The following ARFGEF1 variants were observed in gnomAD, a reference collection of about 807,000 sequenced individuals.
ARFGEF1 encodes the protein brefeldin A-inhibited guanine nucleotide-exchange protein 1.
In ARFGEF1, 42 loss-of-function variants were observed where a neutral mutation model predicts 231.0. The observed-to-expected ratio is 0.18, with a 90% CI of 0.14 to 0.24. The LOEUF (loss-of-function observed/expected upper bound fraction) is 0.24. Ranked by LOEUF, ARFGEF1 falls within the 10% of genes least tolerant of loss-of-function variation. The pLI, the probability that ARFGEF1 is intolerant of heterozygous loss-of-function variation, is 1.00. For missense variants in ARFGEF1, 1,345 were observed against 2,192.0 expected (o/e 0.61, Z 7.72); for synonymous variants, 710 against 732.3 (o/e 0.97, Z 0.49).
intron 1 of ARFGEF1, among the ~76,000 whole-genome samples, chr8:67,328,531 CAT>C (rs1354909078): frequency 1.3e-5 from 2 of 152,144 alleles, no homozygotes; most frequent in African/African-American, 2.4e-5. Flanking sequence ...ATGAGTTATC[CAT>C]ATGTTACACA....
At chr8:67,334,802 G>A (rs184912911) in intron 1 of ARFGEF1, among the ~76,000 whole-genome samples, 165 of 152,190 alleles carry the variant, frequency 1.1e-3, no homozygotes, top group African/African-American at 3.7e-3. Context: ...AGACACTAAC[G>A]ACCACCTGTG....
Position 67,319,623 on chromosome 8 carries a change from ACT to A in ARFGEF1, c.125-17159_125-17158del, listed in dbSNP as rs765326801. Among the ~76,000 whole-genome samples the A allele has an allele frequency of 3.9e-4, 60 of 151,950 alleles. 1 individual carries two copies. The highest frequency in any genetic ancestry group is 7.9e-4 in the Non-Finnish European group (54 of 67,996). ...CAAACTTTCGGAAAACATAGGAGAA[ACT>A]CTCTGTGAGTTTGGATTCGGCAGAG... On this transcript the variant is annotated intron_variant, in intron 1 of 38. Transcript: ENST00000262215.
At chr8:67,207,614 CTA>C (rs1563836363) in intron 34 of ARFGEF1, among the ~76,000 whole-genome samples, 1 of 152,196 alleles carries the variant, frequency 6.6e-6, no homozygotes, top group Non-Finnish European at 1.5e-5. Flanking sequence ...CAGATTTTAA[CTA>C]TGTGGGACTA....
At chr8:67,332,771 C>CA (rs538415571) in intron 1 of ARFGEF1, among the ~76,000 whole-genome samples, 81 of 152,258 alleles carry the variant, frequency 5.3e-4, no homozygotes, top group Non-Finnish European at 8.2e-4. Flanking sequence ...ACAGGACTGA[C>CA]ACATTAGGCC....
intron 27 of ARFGEF1, 107 bp from the exon 28 acceptor site, chr8:67,226,290 C>T: frequency 9.8e-7 from 1 of 1,017,396 alleles, no homozygotes; most frequent in African/African-American, 1.6e-5. Flanking sequence ...AAGGTTGTTA[C>T]AGGTTCTGAC....
intron 5 of ARFGEF1, among the ~76,000 whole-genome samples, chr8:67,183,505 A>T (rs187116954): frequency 2.4e-4 from 37 of 152,336 alleles, no homozygotes; most frequent in Admixed American, 2.2e-3. Flanking sequence ...TAGCTGGAAA[A>T]ATCTCCAAAT....
At chr8:67,238,668 G>A (rs1839841015) in intron 21 of ARFGEF1, 67 bp downstream of exon 21, 2 of 1,547,146 alleles carry the variant, frequency 1.3e-6, no homozygotes, top group Non-Finnish European at 1.8e-6. Context: ...GCATGTCAAT[G>A]ATGGACTATT....
intron 30 of ARFGEF1, 63 bp from the exon 31 acceptor site, chr8:67,218,201 AAAAAAAAT>A (rs202161946): frequency 0.013 from 2,269 of 180,410 alleles, 40 homozygotes; most frequent in African/African-American, 0.038. Context: ...TAAAAAAAAA[AAAAAAAAT>A]ATATATATAT....
At chr8:67,302,540 T>C (rs1056200785) in intron 1 of ARFGEF1, 74 bp from the exon 2 acceptor site, 13 of 1,069,594 alleles carry the variant, frequency 1.2e-5, no homozygotes, top group Middle Eastern at 2.2e-4. Context: ...TTAAGTTCTA[T>C]AAACTCATTT....
At chr8:67,239,443 A>G (rs1373039416) in intron 20 of ARFGEF1, among the ~76,000 whole-genome samples, 1 of 152,116 alleles carries the variant, frequency 6.6e-6, no homozygotes. Context: ...TTTTAAGATG[A>G]TGCATGAAGC....
At chr8:67,316,317 G>A (rs1287989159) in intron 1 of ARFGEF1, among the ~76,000 whole-genome samples, 2 of 152,128 alleles carry the variant, frequency 1.3e-5, no homozygotes, top group Non-Finnish European at 2.9e-5. Flanking sequence ...GGACCAGATG[G>A]TTTCACCTGA....
intron 1 of ARFGEF1, 25 bp downstream of exon 1, chr8:67,343,118 CGCCCCACAACAAGCACCCCAT>C: frequency 8.1e-7 from 1 of 1,228,282 alleles, no homozygotes; most frequent in Non-Finnish European, 1.1e-6. Flanking sequence ...CCCCCCTCCC[CGCCCCACAACAAGCACCCCAT>C]CCCCCGGGCC....
At chr8:67,328,211 G>A (rs183820161) in intron 1 of ARFGEF1, among the ~76,000 whole-genome samples, 2 of 152,288 alleles carry the variant, frequency 1.3e-5, no homozygotes, top group African/African-American at 4.8e-5. Flanking sequence ...TACCTAGGCT[G>A]AAACTGTTAT....
intron 1 of ARFGEF1, among the ~76,000 whole-genome samples, chr8:67,307,146 G>GT (rs1806784121): frequency 6.6e-6 from 1 of 152,230 alleles, no homozygotes; most frequent in South Asian, 2.1e-4. Context: ...CTTCAAAGCA[G>GT]TAACTCTGGG....
intron 1 of ARFGEF1, among the ~76,000 whole-genome samples, chr8:67,319,347 T>G (rs1165923734): frequency 6.6e-6 from 1 of 152,088 alleles, no homozygotes; most frequent in Admixed American, 6.5e-5. Context: ...CAAAACAATG[T>G]AGTGTTAAAG....
At chr8:67,278,903 T>C (rs561071122) in intron 7 of ARFGEF1, among the ~76,000 whole-genome samples, 80 of 152,278 alleles carry the variant, frequency 5.3e-4, no homozygotes, top group Admixed American at 1.9e-3. Flanking sequence ...AAGAGGACTT[T>C]TGGAGCTTCA....
At chr8:67,265,984 C>A in intron 14 of ARFGEF1, 22 bp downstream of exon 14, 1 of 1,609,784 alleles carries the variant, frequency 6.2e-7, no homozygotes, top group African/African-American at 1.3e-5. Context: ...AATAACATTT[C>A]TCCTTAAGCT....
intron 35 of ARFGEF1, 137 bp from the exon 36 acceptor site, chr8:67,203,388 G>C: frequency 1.0e-6 from 1 of 1,000,376 alleles, no homozygotes; most frequent in East Asian, 2.5e-5. Flanking sequence ...CAGAAAGTAA[G>C]GGAAGGTCCA....
chr8:67,200,001 C>T (rs1340605785), intron 38 of ARFGEF1: 6 of 322,944 alleles, frequency 1.9e-5, no homozygotes, highest in Non-Finnish European at 3.1e-5. Context: ...ACAGCTGCAG[C>T]CCAGAGCACA....
Sources: gnomAD v4.1 joint callset for allele counts (sites outside exome capture counted in the v4.1 genomes callset) on GRCh38, gnomAD v4.1.1 for gene constraint, MANE v1.5 for transcripts, NCBI Gene and HGNC (gene_info 2026-07-23, HGNC 2026-07-21) for gene names.